The following ACTR3B variants were observed in gnomAD, a reference collection of about 807,000 sequenced individuals.
ACTR3B encodes the protein actin related protein 3B.
Under a neutral mutation model 59.0 loss-of-function variants are expected in ACTR3B, and 8 were observed. The observed-to-expected ratio is 0.14, with a 90% CI of 0.08 to 0.24. The LOEUF (loss-of-function observed/expected upper bound fraction) is 0.24. Among genes scored for constraint, ACTR3B ranks in the 10% least tolerant of loss-of-function variants. The pLI, the probability that ACTR3B is intolerant of heterozygous loss-of-function variation, is 1.00. For missense variants in ACTR3B, 245 were observed against 552.3 expected (o/e 0.44, Z 5.58); for synonymous variants, 148 against 197.9 (o/e 0.75, Z 2.12).
chr7:152,808,099 A>G (rs2098258141), intron 4 of ACTR3B, among the ~76,000 whole-genome samples: 1 of 152,046 alleles, frequency 6.6e-6, no homozygotes. Flanking sequence ...TGATGACTCT[A>G]GGGCCCTCAT....
Position 152,759,891 on chromosome 7 carries a change from C to G in ACTR3B, c.9C>G (p.Gly3=). 7.3e-7 allele frequency: 1 copy of G among 1,370,786 alleles called. No individual in the cohort carries two copies. Among genetic ancestry groups the G allele is most frequent in the Non-Finnish European group, 9.5e-7 (1 of 1,052,576 alleles). 84.9% of individuals were successfully genotyped at this position (1,370,786 alleles called of 1,614,324 possible). A position where few individuals can be genotyped will look rare whatever the true frequency, so the allele number is the denominator to read the frequency against. Residue 3 remains glycine (G), a synonymous_variant, in exon 1 of 12, where the codon GGC becomes GGG. Transcript: ENST00000256001. MA[G]SLPPCVVDCG... ...CGCCGCGCGTCCCGAGCATGGCAGG[C>G]TCCCTGCCTCCCTGCGTGGTGGACT... is the stretch of plus-strand genomic sequence containing the variant.
intron 1 of ACTR3B, among the ~76,000 whole-genome samples, chr7:152,767,390 G>T (rs549382698): frequency 6.6e-6 from 1 of 152,094 alleles, no homozygotes; most frequent in African/African-American, 2.4e-5. Flanking sequence ...TTTTAATTAG[G>T]CTCTTTAGAA....
chr7:152,825,338 C>G (rs955075743), intron 9 of ACTR3B, among the ~76,000 whole-genome samples: 41 of 151,146 alleles, frequency 2.7e-4, no homozygotes, highest in Non-Finnish European at 4.7e-4. Context: ...TGGAGACGGA[C>G]TCTTGCTCTG....
At chr7:152,772,931 A>AT (rs1403395772) in intron 1 of ACTR3B, among the ~76,000 whole-genome samples, 1 of 151,218 alleles carries the variant, frequency 6.6e-6, no homozygotes. Flanking sequence ...GGAGTGGGAG[A>AT]TACCACTGTG....
intron 9 of ACTR3B, among the ~76,000 whole-genome samples, chr7:152,845,648 A>G (rs560371883): frequency 6.6e-6 from 1 of 152,302 alleles, no homozygotes; most frequent in South Asian, 2.1e-4. Flanking sequence ...CTTGAGATGG[A>G]TGCCACTCCT....
At chr7:152,840,658 A>C (rs1171953735) in intron 9 of ACTR3B, among the ~76,000 whole-genome samples, 31 of 121,740 alleles carry the variant, frequency 2.5e-4, no homozygotes, top group African/African-American at 8.9e-4. Context: ...CTGCTCCGGC[A>C]GTTCCATAGA....
chr7:152,799,685 G>A (rs1205363916), intron 2 of ACTR3B, among the ~76,000 whole-genome samples: 10 of 152,188 alleles, frequency 6.6e-5, no homozygotes, highest in Admixed American at 1.3e-4. Flanking sequence ...CATCAAACAC[G>A]TGTGCAGAAC....
At position 152,825,156 on chromosome 7, in the gene ACTR3B, A is replaced by G. The variant is rs745943232; in HGVS notation, c.951+34A>G. On this transcript the variant is annotated intron_variant, in intron 9 of 11. Transcript: ENST00000256001. ...TGCCTGGGTAAGGTACTTTGATTTCATTCCACAATTAAAGGCCCATAATTC... is the reference window on the plus strand; with the variant it reads ...TGCCTGGGTAAGGTACTTTGATTTCGTTCCACAATTAAAGGCCCATAATTC... 2.5e-6 allele frequency: 4 copies of G among 1,599,048 alleles called. No homozygotes were observed. In the East Asian group the frequency reaches 9.0e-5, roughly 36 times the overall value.
At chr7:152,846,770 CG>C (rs1225481771) in intron 9 of ACTR3B, among the ~76,000 whole-genome samples, 113 of 138,896 alleles carry the variant, frequency 8.1e-4, no homozygotes, top group African/African-American at 9.3e-4. Flanking sequence ...CTCTAGTGCC[CG>C]GGGCTGTAGT....
chr7:152,786,855 G>T (rs1280460377), intron 2 of ACTR3B, among the ~76,000 whole-genome samples: 1 of 151,960 alleles, frequency 6.6e-6, no homozygotes, highest in African/African-American at 2.4e-5. Context: ...CTTTCTGCAT[G>T]GTCTTTAAAA....
intron 9 of ACTR3B, among the ~76,000 whole-genome samples, chr7:152,840,599 C>T (rs1489048084): frequency 9.8e-5 from 14 of 143,566 alleles, no homozygotes; most frequent in African/African-American, 2.8e-4. Context: ...GTCAGGAAAA[C>T]GGGGTTTCTA....
At chr7:152,848,620 C>T (rs1330340081) in intron 9 of ACTR3B, among the ~76,000 whole-genome samples, 2 of 152,296 alleles carry the variant, frequency 1.3e-5, no homozygotes, top group African/African-American at 4.8e-5. Context: ...CATCGGCCAG[C>T]GTGGCCAATC....
intron 4 of ACTR3B, chr7:152,813,190 TG>T (rs1795409490): frequency 8.8e-6 from 1 of 113,904 alleles, no homozygotes; most frequent in Admixed American, 1.0e-4. Context: ...TATAGTACAC[TG>T]GGAGTTAGGG....
chr7:152,782,271 C>T (rs1219501419), intron 1 of ACTR3B, among the ~76,000 whole-genome samples: 4 of 148,414 alleles, frequency 2.7e-5, no homozygotes. Flanking sequence ...AGCATTATTA[C>T]AGAATGACGG....
intron 9 of ACTR3B, among the ~76,000 whole-genome samples, chr7:152,848,890 T>G (rs1036755791): frequency 9.9e-5 from 15 of 152,106 alleles, no homozygotes; most frequent in African/African-American, 1.7e-4. Context: ...AGCCAGGCGC[T>G]CTCAGGTTGG....
chr7:152,792,640 C>T (rs552482516), intron 2 of ACTR3B, among the ~76,000 whole-genome samples: 16 of 151,934 alleles, frequency 1.1e-4, no homozygotes, highest in Non-Finnish European at 1.5e-4. Flanking sequence ...CCAGCTATTT[C>T]GGGAGGCTGA....
rs141521223 is a variant in ACTR3B at position 152,832,612 on chromosome 7, C to T, written c.951+7490C>T. ...CAAGCTGGTCTTGAACTCCTGGGCT[C>T]GAGCCTCCCAAAGTGCTGGAATTAC... On this transcript the variant is annotated intron_variant, in intron 9 of 11. Transcript: ENST00000256001. 7.0e-4 allele frequency among the ~76,000 whole-genome samples: 106 copies of T among 152,206 alleles called. 1 individual carries two copies. In the East Asian group the frequency reaches 0.016, roughly 24 times the overall value.
chr7:152,842,302 ATACTG>A (rs901133324), intron 9 of ACTR3B, among the ~76,000 whole-genome samples: 11 of 152,232 alleles, frequency 7.2e-5, no homozygotes, highest in Non-Finnish European at 1.3e-4. Flanking sequence ...ACAGTGTGTT[ATACTG>A]AGTGACTCAG....
chr7:152,847,694 C>T (rs1033679964), intron 9 of ACTR3B, among the ~76,000 whole-genome samples: 10 of 152,296 alleles, frequency 6.6e-5, no homozygotes, highest in African/African-American at 2.4e-4. Flanking sequence ...GCACACAGTT[C>T]TGTGGTCGCA....
Sources: gnomAD v4.1 joint callset for allele counts (sites outside exome capture counted in the v4.1 genomes callset) on GRCh38, gnomAD v4.1.1 for gene constraint, MANE v1.5 for transcripts, NCBI Gene and HGNC (gene_info 2026-07-23, HGNC 2026-07-21) for gene names.